ZSCAN25: variants seen among roughly 807,000 people sequenced by gnomAD.
ZSCAN25 encodes zinc finger and SCAN domain-containing protein 25.
A neutral mutation model predicts 38.7 loss-of-function variants in ZSCAN25; 27 were observed. The ratio of observed to expected loss-of-function variants is 0.70; its 90% CI spans 0.51 to 0.96. The LOEUF (loss-of-function observed/expected upper bound fraction) is 0.96. Ranked by LOEUF, ZSCAN25 falls within the 40% of genes least tolerant of loss-of-function variation. The probability of loss-of-function intolerance (pLI) is 0.00; values close to 1 mark genes in which losing one functional copy is unlikely to be tolerated. For synonymous variants in ZSCAN25, 273 were observed against 277.7 expected, an observed-to-expected ratio of 0.98 and a Z score of 0.17; for missense variants, 637 against 705.9, an observed-to-expected ratio of 0.90 and a Z score of 1.11.
At chr7:99,734,427 C>A in the ZSCAN25 span, among the ~76,000 whole-genome samples, 1 of 152,100 alleles carries the variant, frequency 6.6e-6, no homozygotes, top group South Asian at 2.1e-4. Flanking sequence ...GTTTGGTAAG[C>A]TGGGTACAAA....
chr7:99,661,892 A>G, the ZSCAN25 span, among the ~76,000 whole-genome samples: 1 of 152,230 alleles, frequency 6.6e-6, no homozygotes, highest in Non-Finnish European at 1.5e-5. Flanking sequence ...AATTTTATTC[A>G]ATTAAAAATA....
At chr7:99,688,750 T>C in the ZSCAN25 span, among the ~76,000 whole-genome samples, 1 of 152,126 alleles carries the variant, frequency 6.6e-6, no homozygotes. Flanking sequence ...ATTCCAAAAT[T>C]GACCACATAG....
chr7:99,671,220 A>G, the ZSCAN25 span: 4 of 154,444 alleles, frequency 2.6e-5, no homozygotes, highest in African/African-American at 7.2e-5. Context: ...GGAAGCCAAA[A>G]GATTGGACAC....
intron 1 of ZSCAN25, 49 bp downstream of exon 1, chr7:99,617,065 G>T (rs1367341647): frequency 6.6e-6 from 1 of 152,192 alleles, no homozygotes; most frequent in Non-Finnish European, 1.5e-5. Context: ...AGTGGTAAAC[G>T]GGCGCGGGGA....
Position 99,630,028 on chromosome 7 carries a change from AG to A in ZSCAN25, c.*10del. On this transcript the variant is annotated 3_prime_UTR_variant, in exon 8 of 8. Transcript: ENST00000394152. ...GAGCCGCTGGTGCAGTGAGCATAGC[AG>A]GTGGCAGGCAGCACCATCATTCATC... 6.6e-7 allele frequency: 1 copy of A among 1,515,540 alleles called. No homozygotes were observed. Among genetic ancestry groups the A allele is most frequent in the Non-Finnish European group, 8.8e-7 (1 of 1,130,970 alleles). 93.9% of individuals were successfully genotyped at this position (1,515,540 alleles called of 1,614,324 possible). A position where few individuals can be genotyped will look rare whatever the true frequency, so the allele number is the denominator to read the frequency against.
chr7:99,685,252 A>G, the ZSCAN25 span: 9 of 1,613,286 alleles, frequency 5.6e-6, no homozygotes, highest in Middle Eastern at 9.9e-4. Flanking sequence ...CAGTTAAACA[A>G]GCATATTGAG....
chr7:99,735,970 G>A, the ZSCAN25 span, among the ~76,000 whole-genome samples: 3 of 152,258 alleles, frequency 2.0e-5, no homozygotes, highest in South Asian at 4.1e-4. Flanking sequence ...AGAGCTCTTG[G>A]CTGTGCCTCA....
At chr7:99,663,700 G>A in the ZSCAN25 span, 356 of 1,065,036 alleles carry the variant, frequency 3.3e-4, no homozygotes, top group Admixed American at 4.8e-4. Flanking sequence ...TTAAAGGGAA[G>A]AGAAGTGGTA....
At chr7:99,671,950 G>C in the ZSCAN25 span, 14 of 678,662 alleles carry the variant, frequency 2.1e-5, no homozygotes, top group Admixed American at 2.6e-4. Flanking sequence ...TGTAAAACTG[G>C]TGAAATCTGA....
chr7:99,663,112 G>A, the ZSCAN25 span: 298 of 1,238,220 alleles, frequency 2.4e-4, no homozygotes, highest in Non-Finnish European at 2.9e-4. Flanking sequence ...TTGCTTTTTC[G>A]CCTTTGCCCT....
chr7:99,660,963 G>T, the ZSCAN25 span, among the ~76,000 whole-genome samples: 7 of 152,184 alleles, frequency 4.6e-5, no homozygotes, highest in African/African-American at 1.7e-4. Flanking sequence ...CATACTCAGT[G>T]TTATGGGTGT....
chr7:99,704,314 G>A, the ZSCAN25 span, among the ~76,000 whole-genome samples: 1 of 152,030 alleles, frequency 6.6e-6, no homozygotes. Context: ...TTTTTTAGAT[G>A]CAGTCTCACT....
chr7:99,689,516 C>T, the ZSCAN25 span, among the ~76,000 whole-genome samples: 1 of 151,840 alleles, frequency 6.6e-6, no homozygotes, highest in Non-Finnish European at 1.5e-5. Flanking sequence ...GAAATTGTGG[C>T]AATAATCAAT....
the ZSCAN25 span, among the ~76,000 whole-genome samples, chr7:99,726,735 C>G: frequency 6.6e-6 from 1 of 152,230 alleles, no homozygotes; most frequent in Non-Finnish European, 1.5e-5. Flanking sequence ...TGATGACCTT[C>G]TACTCTGTAG....
At chr7:99,710,992 G>C in the ZSCAN25 span, 1 of 1,580,248 alleles carries the variant, frequency 6.3e-7, no homozygotes, top group Admixed American at 1.8e-5. Context: ...ATCCCCAGGG[G>C]AAAAAATAGA....
the ZSCAN25 span, chr7:99,713,673 A>G: frequency 8.7e-7 from 1 of 1,147,414 alleles, no homozygotes; most frequent in Non-Finnish European, 1.3e-6. Flanking sequence ...TGCCTGAGTC[A>G]CCAGTGAAAA....
downstream of ZSCAN25, among the ~76,000 whole-genome samples, chr7:99,636,223 A>T (rs745706118): frequency 3.3e-5 from 5 of 152,190 alleles, no homozygotes; most frequent in Non-Finnish European, 1.5e-5. Context: ...GATTACATTT[A>T]TGGTGGAACT....
At chr7:99,638,444 A>G in the ZSCAN25 span, 6 of 1,562,286 alleles carry the variant, frequency 3.8e-6, no homozygotes, top group African/African-American at 6.8e-5. Context: ...TCTCCCGGTC[A>G]TTGATAATGT....
At chr7:99,717,036 G>C in the ZSCAN25 span, 6 of 823,008 alleles carry the variant, frequency 7.3e-6, no homozygotes, top group South Asian at 1.5e-5. Context: ...CCCATCTTGG[G>C]AGACCCATTG....
Sources: allele counts gnomAD v4.1 joint callset (sites outside exome capture counted in the v4.1 genomes callset), GRCh38; gene constraint gnomAD v4.1.1; transcripts MANE v1.5; gene names NCBI Gene and HGNC (gene_info 2026-07-23, HGNC 2026-07-21).